The following NEBL variants were observed in gnomAD, a reference collection of about 807,000 sequenced individuals.
The protein encoded by NEBL is LIM and SH3 protein 2.
A neutral mutation model predicts 140.2 loss-of-function variants in NEBL; 122 were observed. The ratio of observed to expected loss-of-function variants is 0.87; its 90% confidence interval spans 0.75 to 1.01. The LOEUF is 1.01. Among genes scored for constraint, NEBL ranks in the 50% least tolerant of loss-of-function variants. The pLI is 0.00. For synonymous variants in NEBL, 436 were observed against 398.9 expected (o/e 1.09, Z -1.11); for missense variants, 1,365 against 1,231.3 (o/e 1.11, Z -1.62).
At chr10:20,969,886 A>T (rs1241772764) in intron 3 of NEBL, among the ~76,000 whole-genome samples, 3 of 152,124 alleles carry the variant, frequency 2.0e-5, no homozygotes, top group Non-Finnish European at 4.4e-5. Context: ...TAAGATAATT[A>T]AAAATTACCC....
chr10:21,121,720 G>A (rs950028005), intron 2 of NEBL, among the ~76,000 whole-genome samples: 4 of 152,046 alleles, frequency 2.6e-5, no homozygotes, highest in African/African-American at 7.2e-5. Flanking sequence ...AAATGTCACC[G>A]GGGAAAGACA....
In NEBL at chr10:20,862,299, A is replaced by G. The variant is rs16921170; in HGVS notation, c.685-2473T>C. ...GTTTGAACGTTCAGTACAGTGAGTG[A>G]TTTGATTCAAGATGCCTAAGGAACA... is the stretch of plus-strand genomic sequence containing the variant. On this transcript the variant is annotated intron_variant, in intron 7 of 27. Coordinates refer to ENST00000377122, the MANE Select transcript of NEBL (RefSeq NM_006393.3). 3.0e-3 allele frequency among the ~76,000 whole-genome samples: 461 copies of G among 152,320 alleles called. 3 individuals carry two copies. Among genetic ancestry groups the G allele is most frequent in the East Asian group, 0.026 (135 of 5,188 alleles).
chr10:20,808,833 C>T (rs554567907), intron 25 of NEBL, among the ~76,000 whole-genome samples, 174 bp from the exon 26 acceptor site: 26 of 152,292 alleles, frequency 1.7e-4, no homozygotes, highest in Middle Eastern at 3.4e-3. Context: ...GCATCAACTA[C>T]ATGAATAACT....
In NEBL at chr10:21,040,234, C is replaced by T. The variant is rs193242681; in HGVS notation, c.165-20033G>A. On this transcript the variant is annotated intron_variant, in intron 2 of 6. Transcript: ENST00000417816. ...TACAAAAATTAGCTGGGTATGGTGG[C>T]GGGTGCCTGTAATCCCAGCTACTTG... Among the ~76,000 whole-genome samples, 34 of 152,124 alleles carry T rather than the reference C, an allele frequency of 2.2e-4. No individual in the cohort carries two copies. The East Asian group carries it at 5.6e-3, about 25-fold the overall frequency.
intron 4 of NEBL, among the ~76,000 whole-genome samples, chr10:20,920,068 C>T (rs1001605231): frequency 1.3e-5 from 2 of 152,164 alleles, no homozygotes; most frequent in Admixed American, 1.3e-4. Flanking sequence ...AAGCTTCTTA[C>T]TGGTGATAAG....
At chr10:20,969,487 AT>A (rs901153088) in intron 3 of NEBL, among the ~76,000 whole-genome samples, 19 of 146,086 alleles carry the variant, frequency 1.3e-4, no homozygotes, top group African/African-American at 4.8e-4. Flanking sequence ...AAAAAATGAA[AT>A]TTTTTTTATT....
chr10:20,827,861 G>C (rs1361755113), intron 17 of NEBL, among the ~76,000 whole-genome samples: 2 of 152,102 alleles, frequency 1.3e-5, no homozygotes, highest in Non-Finnish European at 2.9e-5. Context: ...TTATAAGTGG[G>C]AGCTAAATGA....
intron 2 of NEBL, among the ~76,000 whole-genome samples, chr10:21,046,081 G>C (rs73607582): frequency 0.017 from 2,629 of 152,240 alleles, 80 homozygotes; most frequent in African/African-American, 0.06. Context: ...CGTCATTTGT[G>C]ACAACATGGA....
intron 2 of NEBL, among the ~76,000 whole-genome samples, chr10:21,148,707 G>C (rs1488255511): frequency 6.6e-6 from 1 of 151,844 alleles, no homozygotes; most frequent in East Asian, 1.9e-4. Context: ...TGTATTCGTA[G>C]TAGAGACAGG....
intron 3 of NEBL, among the ~76,000 whole-genome samples, chr10:21,229,348 G>T (rs1361055208): frequency 6.6e-6 from 1 of 152,216 alleles, no homozygotes; most frequent in Non-Finnish European, 1.5e-5. Flanking sequence ...TTGAGCCCGA[G>T]TGGTTGAGTC....
intron 3 of NEBL, among the ~76,000 whole-genome samples, chr10:20,969,958 T>C (rs530327244): frequency 1.3e-5 from 2 of 152,306 alleles, no homozygotes; most frequent in African/African-American, 2.4e-5. Context: ...CACAAACTTG[T>C]CTTGGGCCCT....
At chr10:21,220,421 G>A (rs568744684) in intron 3 of NEBL, among the ~76,000 whole-genome samples, 1 of 152,118 alleles carries the variant, frequency 6.6e-6, no homozygotes, top group Non-Finnish European at 1.5e-5. Context: ...ACAATAAATG[G>A]TGTTAAGGAA....
rs956564148 is a variant in NEBL at position 21,046,628 on chromosome 10, T to G, written c.165-26427A>C. 3.9e-5 allele frequency among the ~76,000 whole-genome samples: 6 copies of G among 152,172 alleles called. No homozygotes were observed. The East Asian group carries it at 1.2e-3, about 29-fold the overall frequency. ...TTTTTGTTTTGTTTTTGAGACGGAGTGTGACTCTGTCGCCCAGGCTGGAGT... is the reference window on the plus strand; with the variant it reads ...TTTTTGTTTTGTTTTTGAGACGGAGGGTGACTCTGTCGCCCAGGCTGGAGT... On this transcript the variant is annotated intron_variant, in intron 2 of 6. Coordinates refer to the NEBL transcript ENST00000417816.
intron 12 of NEBL, among the ~76,000 whole-genome samples, chr10:20,843,202 C>G (rs1337339034): frequency 6.6e-6 from 1 of 152,026 alleles, no homozygotes; most frequent in Non-Finnish European, 1.5e-5. Context: ...CTACTGAAGT[C>G]ACAGTACAAA....
At position 20,897,286 on chromosome 10, in the gene NEBL, G is replaced by C; in HGVS notation, c.-81C>G. The C allele has an allele frequency of 6.6e-7, 1 of 1,514,866 alleles. No individual in the cohort carries two copies. The highest frequency in any genetic ancestry group is 8.8e-7 in the Non-Finnish European group (1 of 1,140,482). 93.8% of individuals were successfully genotyped at this position (1,514,866 alleles called of 1,614,324 possible). ...CATACCACAGTGCCCTTGAGATGCT[G>C]ACGTCTCTGGTGCTCTGGCAGAAAT... On this transcript the variant is annotated 5_prime_UTR_variant, in exon 1 of 28. Transcript: ENST00000377122.
At chr10:21,029,796 A>C in intron 2 of NEBL, 1 of 743,660 alleles carries the variant, frequency 1.3e-6, no homozygotes, top group South Asian at 1.5e-5. Flanking sequence ...GGCAGCAGAG[A>C]CTATGCTAGA....
At chr10:20,878,556 TC>T (rs1188726381) in intron 5 of NEBL, among the ~76,000 whole-genome samples, 1 of 152,218 alleles carries the variant, frequency 6.6e-6, no homozygotes, top group Non-Finnish European at 1.5e-5. Context: ...AGATGTACTT[TC>T]AAGACCTATG....
chr10:21,029,662 G>A, intron 2 of NEBL: 1 of 1,217,264 alleles, frequency 8.2e-7, no homozygotes, highest in South Asian at 1.2e-5. Flanking sequence ...TAGGTTTGGA[G>A]ACAAGTATCG....
intron 2 of NEBL, among the ~76,000 whole-genome samples, chr10:21,147,512 A>T (rs1354954387): frequency 6.7e-6 from 1 of 150,102 alleles, no homozygotes; most frequent in East Asian, 2.0e-4. Context: ...TTACCTCCTG[A>T]TTTCCTCTTT....
Sources: gnomAD v4.1 joint callset for allele counts (sites outside exome capture counted in the v4.1 genomes callset) on GRCh38, gnomAD v4.1.1 for gene constraint, MANE v1.5 for transcripts, NCBI Gene and HGNC (gene_info 2026-07-23, HGNC 2026-07-21) for gene names.